Variants in DHDDS observed in about 807,000 individuals in gnomAD.
The protein encoded by DHDDS is dehydrodolichyl diphosphate synthase subunit.
A neutral mutation model predicts 46.2 loss-of-function variants in DHDDS; 16 were observed. The observed-to-expected ratio is 0.35, with a 90% CI of 0.23 to 0.53. DHDDS has a LOEUF of 0.53. Among genes scored for constraint, DHDDS ranks in the 20% least tolerant of loss-of-function variants. DHDDS has a pLI of 0.94. For synonymous variants in DHDDS, 151 were observed against 163.1 expected, an observed-to-expected ratio of 0.93 and a Z score of 0.56; for missense variants, 340 against 423.7, an observed-to-expected ratio of 0.80 and a Z score of 1.73.
In DHDDS at chr1:26,469,574, T is replaced by G; in HGVS notation, c.*443T>G. 4.0e-6 allele frequency: 1 copy of G among 249,468 alleles called. No individual in the cohort carries two copies. The highest frequency in any genetic ancestry group is 5.0e-5 in the South Asian group (1 of 20,106). The allele number at this position is 249,468 out of a possible 1,614,324, so 15.5% of individuals were successfully genotyped here. On this transcript the variant is annotated 3_prime_UTR_variant, in exon 9 of 9. Transcript: ENST00000236342. ...GCTCTACCTTGGATCTGCTAGTAAA[T>G]AACTAATAGGCAGGCAGTTATTTGG...
chr1:26,457,992 C>T lies in DHDDS; in HGVS notation c.657+87C>T, dbSNP rs141875589. 233 of 1,156,462 alleles carry T rather than the reference C, an allele frequency of 2.0e-4. 2 individuals carry two copies. In the African/African-American group the frequency reaches 3.1e-3, roughly 15 times the overall value. 71.6% of individuals were successfully genotyped at this position (1,156,462 alleles called of 1,614,324 possible). ...TGGATCAGAGTGGTCCATCCCCACTCCCAAACAGGCTGGGGCCAGAGTACT... is the reference window on the plus strand; with the variant it reads ...TGGATCAGAGTGGTCCATCCCCACTTCCAAACAGGCTGGGGCCAGAGTACT... On this transcript the variant is annotated intron_variant, in intron 7 of 8. Transcript: ENST00000236342.
At chr1:26,433,169 A>C in intron 2 of DHDDS, 161 bp downstream of exon 2, 1 of 763,104 alleles carries the variant, frequency 1.3e-6, no homozygotes, top group Non-Finnish European at 2.2e-6. Flanking sequence ...CCAGGTCTAC[A>C]TTTCTGGTAG....
intron 8 of DHDDS, 87 bp downstream of exon 8, chr1:26,460,231 C>A: frequency 9.6e-7 from 1 of 1,037,038 alleles, no homozygotes; most frequent in Non-Finnish European, 1.5e-6. Context: ...ATATACCAGG[C>A]ACTTCCTAAT....
chr1:26,442,637 C>T (rs78302998), intron 3 of DHDDS, 94 bp from the exon 4 acceptor site: 22,520 of 1,489,960 alleles, frequency 0.015, 238 homozygotes, highest in Middle Eastern at 0.046. Context: ...AGTCTGTCTC[C>T]TATCTCCAAC....
chr1:26,462,852 C>G (rs1216186824), intron 8 of DHDDS: 1 of 152,150 alleles, frequency 6.6e-6, no homozygotes, highest in African/African-American at 2.4e-5. Context: ...AAGATCTCTA[C>G]CTTTGTGGAA....
chr1:26,440,171 T>C (rs1362890815), intron 3 of DHDDS, among the ~76,000 whole-genome samples: 2 of 152,150 alleles, frequency 1.3e-5, no homozygotes, highest in African/African-American at 2.4e-5. Flanking sequence ...AATGGAAATA[T>C]GGTCTGTAGT....
chr1:26,445,999 G>A (rs1367127777), intron 4 of DHDDS, among the ~76,000 whole-genome samples: 1 of 152,182 alleles, frequency 6.6e-6, no homozygotes, highest in African/African-American at 2.4e-5. Context: ...CTCCAGCCTG[G>A]GTGACAGAGC....
Position 26,446,319 on chromosome 1 carries a change from G to C in DHDDS, c.327G>C (p.Glu109Asp), listed in dbSNP as rs2075267376. Residue 109 changes from glutamate (E) to aspartate (D), a missense_variant, in exon 5 of 9, where the codon GAG (glutamate) becomes GAC (aspartate). By Grantham distance (45) the Glu-to-Asp change is conservative. This residue lies in a region of DHDDS where 268 missense variants were observed against 300.3 expected (regional missense o/e 0.89). Transcript: ENST00000236342. ...QKFSRLMEEKEKLQKHGVCIR... is the reference protein window; with the variant it reads ...QKFSRLMEEKDKLQKHGVCIR... ...GCTGCCTCTTTTCCCTGATCAGGGA[G>C]AAACTGCAGAAGCATGGGGTGTGTA... The C allele has an allele frequency of 6.2e-7, 1 of 1,613,746 alleles. No homozygotes were observed. The highest frequency in any genetic ancestry group is 8.5e-7 in the Non-Finnish European group (1 of 1,179,836).
At chr1:26,439,790 T>C (rs1219323769) in intron 3 of DHDDS, among the ~76,000 whole-genome samples, 1 of 152,186 alleles carries the variant, frequency 6.6e-6, no homozygotes, top group Non-Finnish European at 1.5e-5. Flanking sequence ...TGTTATAAAT[T>C]GGAAGACATT....
chr1:26,465,678 A>G (rs1398563548), intron 8 of DHDDS, among the ~76,000 whole-genome samples: 2 of 152,174 alleles, frequency 1.3e-5, no homozygotes, highest in Non-Finnish European at 2.9e-5. Flanking sequence ...TTCATTTTCC[A>G]AGAATGGTGG....
chr1:26,434,577 GA>G (rs144293128), intron 2 of DHDDS, among the ~76,000 whole-genome samples: 1,869 of 152,258 alleles, frequency 0.012, 35 homozygotes, highest in African/African-American at 0.042. Context: ...CCCAGGTGAG[GA>G]AAAATAGGCT....
chr1:26,454,065 T>C (rs1024012844), intron 6 of DHDDS, among the ~76,000 whole-genome samples: 4 of 152,116 alleles, frequency 2.6e-5, no homozygotes, highest in Non-Finnish European at 5.9e-5. Context: ...GCCATTCTCC[T>C]GCCTCAGCCT....
At chr1:26,462,918 T>A (rs975043990) in intron 8 of DHDDS, 1 of 152,174 alleles carries the variant, frequency 6.6e-6, no homozygotes, top group Non-Finnish European at 1.5e-5. Context: ...AAGTTCCGAT[T>A]GTAATAAGGC....
intron 7 of DHDDS, 69 bp downstream of exon 7, chr1:26,457,974 G>C: frequency 3.6e-6 from 5 of 1,391,616 alleles, no homozygotes; most frequent in Non-Finnish European, 5.1e-6. Context: ...GAATGGATCA[G>C]AGTGGTCCAT....
At chr1:26,436,955 G>A (rs1394245927) in intron 2 of DHDDS, among the ~76,000 whole-genome samples, 2 of 151,888 alleles carry the variant, frequency 1.3e-5, no homozygotes, top group African/African-American at 2.4e-5. Flanking sequence ...CAGATCACAA[G>A]GTCAGGAGAT....
In DHDDS at chr1:26,460,214, C is replaced by T. The variant is rs146258389; in HGVS notation, c.765+70C>T. The T allele has an allele frequency of 2.3e-3, 2,851 of 1,222,844 alleles. 6 individuals are homozygous for T. The highest frequency in any genetic ancestry group is 3.4e-3 in the Admixed American group (201 of 59,312). 75.7% of individuals were successfully genotyped at this position (1,222,844 alleles called of 1,614,324 possible). On this transcript the variant is annotated intron_variant, in intron 8 of 8. Coordinates refer to ENST00000236342, the MANE Select transcript of DHDDS (RefSeq NM_205861.3). ...AAAGATTAGCATTGATTGACAACCA[C>T]CTTACTATATACCAGGCACTTCCTA...
intron 6 of DHDDS, among the ~76,000 whole-genome samples, chr1:26,449,147 G>A (rs1250175539): frequency 6.6e-6 from 1 of 151,746 alleles, no homozygotes; most frequent in Non-Finnish European, 1.5e-5. Context: ...TCTCCAGGCT[G>A]GAGTGCAATG....
chr1:26,433,772 G>C (rs1306225105), intron 2 of DHDDS, among the ~76,000 whole-genome samples: 4 of 151,318 alleles, frequency 2.6e-5, no homozygotes, highest in Admixed American at 2.6e-4. Context: ...GTCTCGCTCT[G>C]TCGCCCAGGC....
At chr1:26,436,659 G>A (rs1262389538) in intron 2 of DHDDS, among the ~76,000 whole-genome samples, 3 of 151,422 alleles carry the variant, frequency 2.0e-5, no homozygotes, top group South Asian at 2.1e-4. Context: ...TCCTGACCTC[G>A]TGATCTACCC....
Sources: gnomAD v4.1 joint callset for allele counts (sites outside exome capture counted in the v4.1 genomes callset) on GRCh38, gnomAD v4.1.1 for gene constraint, gnomAD v4.1.1 regional missense constraint, MANE v1.5 for transcripts, NCBI Gene and HGNC (gene_info 2026-07-23, HGNC 2026-07-21) for gene names.